Variants in LGMN observed in about 807,000 individuals in gnomAD.
LGMN encodes legumain.
A neutral mutation model predicts 56.8 loss-of-function variants in LGMN; 36 were observed. The ratio of observed to expected loss-of-function variants is 0.63; its 90% CI spans 0.49 to 0.84. The LOEUF (loss-of-function observed/expected upper bound fraction) is 0.84, where lower values mean the gene tolerates loss of function less well. Ranked by LOEUF, LGMN falls within the 40% of genes least tolerant of loss-of-function variation. The probability of loss-of-function intolerance (pLI) is 0.00; values close to 1 mark genes in which losing one functional copy is unlikely to be tolerated. For missense variants in LGMN, 446 were observed against 556.1 expected (o/e 0.80, Z 1.99); for synonymous variants, 199 against 210.1 (o/e 0.95, Z 0.46).
chr14:92,708,654 G>A (rs1285840548), intron 11 of LGMN, among the ~76,000 whole-genome samples: 3 of 151,820 alleles, frequency 2.0e-5, no homozygotes, highest in African/African-American at 4.8e-5. Flanking sequence ...TCAGGAGTTC[G>A]AGACCAGCCT....
chr14:92,746,804 AG>A (rs1200817638), intron 1 of LGMN, among the ~76,000 whole-genome samples: 1 of 152,116 alleles, frequency 6.6e-6, no homozygotes, highest in East Asian at 1.9e-4. Context: ...TGGGAGGCCG[AG>A]GGGGGTGGAT....
Position 92,719,179 on chromosome 14 carries a change from A to G in LGMN, c.139-335T>C, listed in dbSNP as rs1413119554. ...CACTGCCACCACCACCACCACCACC[A>G]CCATCACCACCACCGCCACCAACAC... On this transcript the variant is annotated intron_variant, in intron 2 of 13. Coordinates refer to ENST00000334869, the MANE Select transcript of LGMN (RefSeq NM_005606.7). Among the ~76,000 whole-genome samples, 84 of 107,504 alleles carry G rather than the reference A, an allele frequency of 7.8e-4. 1 individual carries two copies. Among genetic ancestry groups the G allele is most frequent in the African/African-American group, 3.2e-3 (78 of 24,390 alleles). 70.5% of individuals were successfully genotyped at this position (107,504 alleles called of 152,430 possible).
chr14:92,711,106 A>G (rs1889742473), intron 10 of LGMN, among the ~76,000 whole-genome samples: 1 of 152,206 alleles, frequency 6.6e-6, no homozygotes, highest in Admixed American at 6.5e-5. Flanking sequence ...TTAGGGCCCA[A>G]GCTTTTAGCA....
intron 5 of LGMN, chr14:92,715,933 T>A: frequency 2.4e-6 from 1 of 410,220 alleles, no homozygotes; most frequent in Non-Finnish European, 4.4e-6. Flanking sequence ...GATCATAAGG[T>A]GAATTCAGTG....
chr14:92,732,047 C>T lies in LGMN; in HGVS notation c.138+602G>A, dbSNP rs140265100. On this transcript the variant is annotated intron_variant, in intron 2 of 13. Coordinates refer to ENST00000334869, the MANE Select transcript of LGMN (RefSeq NM_005606.7). ...AAGAGAGAGCAGTAGGGCAGAGAGGCCTGGGGGTCCTGTCACCAGAGTCCT... is the reference window on the plus strand; with the variant it reads ...AAGAGAGAGCAGTAGGGCAGAGAGGTCTGGGGGTCCTGTCACCAGAGTCCT... 2.6e-5 allele frequency among the ~76,000 whole-genome samples: 4 copies of T among 152,122 alleles called. No individual in the cohort carries two copies. In the East Asian group the frequency reaches 7.7e-4, roughly 29 times the overall value.
chr14:92,719,287 GCCGCCGCCGCCGCCACCGCCGCCA>G lies in LGMN; in HGVS notation c.139-467_139-444del, dbSNP rs1566924462. On this transcript the variant is annotated intron_variant, in intron 2 of 13. Transcript: ENST00000334869. Reference sequence around the variant, plus strand: ...CACCGCCGCCGCCGCCACCGCCGCCGCCGCCGCCGCCGCCACCGCCGCCACCGCCGCCGCCGCCACCGCCACCGC... The same window carrying G: ...CACCGCCGCCGCCGCCACCGCCGCCGCCGCCGCCGCCGCCACCGCCACCGC... Among the ~76,000 whole-genome samples, 49 of 59,818 alleles carry G rather than the reference GCCGCCGCCGCCGCCACCGCCGCCA, an allele frequency of 8.2e-4. 1 individual carries two copies. Among genetic ancestry groups the G allele is most frequent in the Admixed American group, 2.4e-3 (14 of 5,840 alleles). 39.2% of individuals were successfully genotyped at this position (59,818 alleles called of 152,430 possible). A position where few individuals can be genotyped will look rare whatever the true frequency, so the allele number is the denominator to read the frequency against.
chr14:92,711,356 C>T (rs975490187), intron 10 of LGMN, among the ~76,000 whole-genome samples: 21 of 152,176 alleles, frequency 1.4e-4, no homozygotes, highest in African/African-American at 3.4e-4. Context: ...GCATAAGTAA[C>T]GCATAGCCCT....
chr14:92,718,237 T>C (rs755744113), intron 3 of LGMN, among the ~76,000 whole-genome samples: 7 of 152,142 alleles, frequency 4.6e-5, no homozygotes, highest in Non-Finnish European at 8.8e-5. Context: ...ACCCACTTCC[T>C]ATGTCTTTGC....
intron 4 of LGMN, among the ~76,000 whole-genome samples, chr14:92,717,166 G>C (rs1890113211): frequency 6.6e-6 from 1 of 152,190 alleles, no homozygotes; most frequent in Admixed American, 6.5e-5. Context: ...GGAACTATCA[G>C]TGGATTGCAA....
At chr14:92,707,879 C>T (rs777651328) in intron 11 of LGMN, among the ~76,000 whole-genome samples, 2 of 152,120 alleles carry the variant, frequency 1.3e-5, no homozygotes, top group Admixed American at 6.6e-5. Context: ...GAGCCAGGTG[C>T]GGTGCCTCAC....
intron 2 of LGMN, among the ~76,000 whole-genome samples, chr14:92,729,413 A>C (rs1174854841): frequency 5.4e-4 from 47 of 87,362 alleles, no homozygotes; most frequent in Admixed American, 6.1e-4. Flanking sequence ...CTCCTTACTC[A>C]CCCCATGCTC....
At chr14:92,718,913 A>C in intron 2 of LGMN, 69 bp from the exon 3 acceptor site, 1 of 1,011,968 alleles carries the variant, frequency 9.9e-7, no homozygotes, top group South Asian at 1.3e-5. Context: ...CTAAGGAGTG[A>C]TGTGTTCTGT....
chr14:92,720,466 G>A (rs868021406), intron 2 of LGMN, among the ~76,000 whole-genome samples: 1 of 152,272 alleles, frequency 6.6e-6, no homozygotes, highest in South Asian at 2.1e-4. Flanking sequence ...TCTGGAGTTC[G>A]AGACCAGCCT....
chr14:92,732,963 A>T (rs1319008764), intron 1 of LGMN, 148 bp from the exon 2 acceptor site: 3 of 576,332 alleles, frequency 5.2e-6, no homozygotes, highest in Admixed American at 3.3e-5. Flanking sequence ...AGCTTGGCCA[A>T]CATGGAGAGA....
At chr14:92,712,252 A>G (rs1595531027) in intron 8 of LGMN, among the ~76,000 whole-genome samples, 1 of 152,238 alleles carries the variant, frequency 6.6e-6, no homozygotes, top group African/African-American at 2.4e-5. Context: ...TCCACAGCAC[A>G]GGAAACTTGA....
chr14:92,716,218 C>T lies in LGMN; in HGVS notation c.322G>A (p.Val108Ile), dbSNP rs1409729045. ...GVPKDYTGED[V>I]TPQNFLAVLR... The stretch of plus-strand genomic sequence containing the variant: ...ACAGCAAGGAAATTTTGTGGGGTAA[C>T]ATCCTACAAAGAATTAGGAGCCACA... Residue 108 changes from valine (V) to isoleucine (I), a missense_variant, in exon 5 of 14, where the codon GTT (valine) becomes ATT (isoleucine). Val to Ile is a conservative substitution (Grantham distance 29). Coordinates refer to ENST00000334869, the MANE Select transcript of LGMN (RefSeq NM_005606.7). 1 of 1,611,492 alleles carries T rather than the reference C, an allele frequency of 6.2e-7. No homozygotes were observed. Among genetic ancestry groups the T allele is most frequent in the East Asian group, 2.2e-5 (1 of 44,858 alleles).
chr14:92,745,351 C>T (rs144032008), intron 1 of LGMN, among the ~76,000 whole-genome samples: 408 of 152,248 alleles, frequency 2.7e-3, no homozygotes, highest in African/African-American at 9.3e-3. Context: ...TTTACTTTAA[C>T]TTTTACTTCA....
chr14:92,723,149 C>T (rs756039798), intron 2 of LGMN, among the ~76,000 whole-genome samples: 5 of 151,858 alleles, frequency 3.3e-5, no homozygotes, highest in East Asian at 3.9e-4. Context: ...CGGGTGCAAG[C>T]GATGCTACTG....
intron 1 of LGMN, among the ~76,000 whole-genome samples, chr14:92,746,237 C>T (rs1476963581): frequency 2.0e-5 from 3 of 152,174 alleles, no homozygotes; most frequent in Admixed American, 6.5e-5. Context: ...TCCTGGATTA[C>T]AAGAAAATTT....
Sources: gnomAD v4.1 joint callset for allele counts (sites outside exome capture counted in the v4.1 genomes callset) on GRCh38, gnomAD v4.1.1 for gene constraint, MANE v1.5 for transcripts, NCBI Gene and HGNC (gene_info 2026-07-23, HGNC 2026-07-21) for gene names.